The following DPF3 variants were observed in gnomAD, a reference collection of about 807,000 sequenced individuals.
DPF3 encodes double PHD fingers 3.
Under a neutral mutation model 56.8 loss-of-function variants are expected in DPF3, and 18 were observed. That is an observed-to-expected ratio of 0.32 (90% confidence interval 0.22 to 0.47). The LOEUF is 0.47. Ranked by LOEUF, DPF3 falls within the 20% of genes least tolerant of loss-of-function variation. DPF3 has a pLI of 1.00. For missense variants in DPF3, 403 were observed against 488.8 expected, an observed-to-expected ratio of 0.82 and a Z score of 1.65; for synonymous variants, 188 against 180.2, an observed-to-expected ratio of 1.04 and a Z score of -0.35.
intron 1 of DPF3, among the ~76,000 whole-genome samples, chr14:72,877,848 A>G (rs1599519282): frequency 6.6e-6 from 1 of 152,286 alleles, no homozygotes; most frequent in African/African-American, 2.4e-5. Flanking sequence ...GACATGTGTA[A>G]TTAGATAAAA....
intron 3 of DPF3, among the ~76,000 whole-genome samples, chr14:72,735,392 C>T (rs1325787159): frequency 1.3e-5 from 2 of 152,174 alleles, no homozygotes; most frequent in East Asian, 3.9e-4. Context: ...CTTCCTTCCT[C>T]CTCTGATAAA....
At chr14:72,780,144 C>T (rs1891913970) in intron 1 of DPF3, among the ~76,000 whole-genome samples, 1 of 152,224 alleles carries the variant, frequency 6.6e-6, no homozygotes, top group South Asian at 2.1e-4. Context: ...CCCTGAATCT[C>T]AACAAAACAC....
chr14:72,884,818 T>C (rs1886450474), intron 1 of DPF3, among the ~76,000 whole-genome samples: 1 of 148,974 alleles, frequency 6.7e-6, no homozygotes, highest in Admixed American at 6.7e-5. Flanking sequence ...GGATATAGGC[T>C]GGGCACGGTG....
intron 3 of DPF3, among the ~76,000 whole-genome samples, chr14:72,733,881 C>A (rs1454163597): frequency 1.3e-5 from 2 of 152,200 alleles, no homozygotes; most frequent in African/African-American, 4.8e-5. Context: ...CAAATGCACA[C>A]CTGTGGGTGA....
At chr14:72,859,530 G>A (rs1885308988) in intron 1 of DPF3, among the ~76,000 whole-genome samples, 2 of 125,312 alleles carry the variant, frequency 1.6e-5, no homozygotes, top group South Asian at 4.8e-4. Flanking sequence ...GTATCTATTT[G>A]TACATTCCAG....
intron 1 of DPF3, among the ~76,000 whole-genome samples, chr14:72,888,653 G>A (rs1453383863): frequency 2.0e-5 from 3 of 152,096 alleles, no homozygotes; most frequent in Admixed American, 2.0e-4. Context: ...ATCTTTCCTT[G>A]TTAACTACCT....
chr14:72,794,477 G>C (rs938565085), intron 1 of DPF3, among the ~76,000 whole-genome samples: 36 of 152,210 alleles, frequency 2.4e-4, no homozygotes, highest in African/African-American at 8.7e-4. Flanking sequence ...AGCCAGCGGG[G>C]TCAGCAGTCA....
intron 1 of DPF3, among the ~76,000 whole-genome samples, chr14:72,888,596 T>A (rs770325658): frequency 2.6e-5 from 4 of 152,184 alleles, no homozygotes; most frequent in Non-Finnish European, 5.9e-5. Context: ...TACCACACAG[T>A]GGTTTTACCC....
At chr14:72,629,784 C>T (rs1288273963) in intron 8 of DPF3, 48 bp from the exon 9 acceptor site, 4 of 1,342,294 alleles carry the variant, frequency 3.0e-6, no homozygotes, top group Non-Finnish European at 3.1e-6. Context: ...TATGAACTGC[C>T]ACCCCTCAAC....
intron 3 of DPF3, among the ~76,000 whole-genome samples, chr14:72,739,560 T>C (rs1890044316): frequency 6.6e-6 from 1 of 152,170 alleles, no homozygotes; most frequent in African/African-American, 2.4e-5. Context: ...CCACCAGATG[T>C]GGTGAGTGAG....
intron 8 of DPF3, among the ~76,000 whole-genome samples, chr14:72,652,989 G>C (rs1372808892): frequency 6.6e-6 from 1 of 152,116 alleles, no homozygotes; most frequent in African/African-American, 2.4e-5. Flanking sequence ...TTCTGTTGTG[G>C]GTTTCAATTC....
chr14:72,764,587 C>G (rs1161507003), intron 2 of DPF3, among the ~76,000 whole-genome samples: 1 of 143,912 alleles, frequency 6.9e-6, no homozygotes, highest in Non-Finnish European at 1.5e-5. Flanking sequence ...CTCCCGGGTT[C>G]ACGCCATTCT....
At chr14:72,674,809 C>A (rs774000892) in intron 7 of DPF3, among the ~76,000 whole-genome samples, 54 of 152,350 alleles carry the variant, frequency 3.5e-4, no homozygotes, top group Admixed American at 1.6e-3. Context: ...GAACAGTGCT[C>A]TTGTTTAGGA....
chr14:72,628,229 A>G (rs1884950458), intron 9 of DPF3, among the ~76,000 whole-genome samples: 1 of 152,116 alleles, frequency 6.6e-6, no homozygotes, highest in Non-Finnish European at 1.5e-5. Context: ...TCCTCATTAA[A>G]TAAGATACTG....
intron 2 of DPF3, among the ~76,000 whole-genome samples, chr14:72,769,376 G>T (rs36105022): frequency 0.19 from 28,921 of 152,016 alleles, 2,981 homozygotes; most frequent in East Asian, 0.24. Context: ...AAACTACTGG[G>T]GTTGTTTCAA....
intron 3 of DPF3, among the ~76,000 whole-genome samples, chr14:72,735,720 C>T (rs1195424698): frequency 2.6e-5 from 4 of 152,198 alleles, no homozygotes; most frequent in Non-Finnish European, 1.5e-5. Context: ...CAATCCCTAG[C>T]CTTGCCACGT....
rs544979771 is a variant in DPF3, at chr14:72,893,916, A to G, written c.32+141T>C. 2.7e-5 allele frequency: 24 copies of G among 876,392 alleles called. No individual in the cohort carries two copies. The African/African-American group carries it at 4.1e-4, about 15-fold the overall frequency. 54.3% of individuals were successfully genotyped at this position (876,392 alleles called of 1,614,324 possible). A position where few individuals can be genotyped will look rare whatever the true frequency, so the allele number is the denominator to read the frequency against. On this transcript the variant is annotated intron_variant, in intron 1 of 10. Transcript: ENST00000556509. ...GGGAAAAAAAGAAGATGAAGAAGTA[A>G]GAGCTGAAAGAAGAGAGAAGCCCCG...
At chr14:72,764,321 A>T (rs982159543) in intron 2 of DPF3, among the ~76,000 whole-genome samples, 2 of 152,112 alleles carry the variant, frequency 1.3e-5, no homozygotes, top group Non-Finnish European at 2.9e-5. Context: ...GGGTTGATGA[A>T]CATGTGGGGG....
At chr14:72,644,354 G>A (rs978077312) in intron 8 of DPF3, among the ~76,000 whole-genome samples, 11 of 152,088 alleles carry the variant, frequency 7.2e-5, no homozygotes, top group African/African-American at 1.4e-4. Flanking sequence ...TGTTTCCATC[G>A]GCCAAATTTT....
Sources: allele counts gnomAD v4.1 joint callset (sites outside exome capture counted in the v4.1 genomes callset), GRCh38; gene constraint gnomAD v4.1.1; transcripts MANE v1.5; gene names NCBI Gene and HGNC (gene_info 2026-07-23, HGNC 2026-07-21).